Variants in SHF observed in about 807,000 individuals in gnomAD.
The protein encoded by SHF is Src homology 2 domain containing F.
Under a neutral mutation model 42.4 loss-of-function variants are expected in SHF, and 30 were observed. The observed-to-expected ratio is 0.71, with a 90% confidence interval of 0.53 to 0.96. The LOEUF (loss-of-function observed/expected upper bound fraction) is 0.96, where lower values mean the gene tolerates loss of function less well. SHF is among the 40% of genes least tolerant of loss of function. The probability of loss-of-function intolerance (pLI) is 0.00; values close to 1 mark genes in which losing one functional copy is unlikely to be tolerated. For missense variants in SHF, 598 were observed against 634.0 expected, an observed-to-expected ratio of 0.94 and a Z score of 0.61; for synonymous variants, 264 against 269.9, an observed-to-expected ratio of 0.98 and a Z score of 0.21.
At position 45,185,832 on chromosome 15, in the gene SHF, G is replaced by A. The variant is rs573109213; in HGVS notation, c.498+1622C>T. 2.0e-5 allele frequency among the ~76,000 whole-genome samples: 3 copies of A among 152,368 alleles called. No individual in the cohort carries two copies. The South Asian group carries it at 6.2e-4, about 32-fold the overall frequency. On this transcript the variant is annotated intron_variant, in intron 1 of 6. Coordinates refer to ENST00000690270, the MANE Select transcript of SHF (RefSeq NM_001394037.1). ...GAGTCTCCGACCCTCACGCCACCCT[G>A]ATAATGGACAGTCACCATTCAGGAC...
At chr15:45,180,372 C>T (rs1432335592) in intron 1 of SHF, among the ~76,000 whole-genome samples, 1 of 152,206 alleles carries the variant, frequency 6.6e-6, no homozygotes, top group Non-Finnish European at 1.5e-5. Flanking sequence ...TTGACCAAGG[C>T]GGCTCTGTGG....
At chr15:45,193,866 CAGG>C (rs951784036) in intron 2 of SHF, among the ~76,000 whole-genome samples, 1 of 150,586 alleles carries the variant, frequency 6.6e-6, no homozygotes, top group African/African-American at 2.4e-5. Flanking sequence ...GTCAAGAGGT[CAGG>C]AGTTCAAGAG....
intron 6 of SHF, among the ~76,000 whole-genome samples, chr15:45,169,273 G>A (rs188009790): frequency 1.4e-4 from 21 of 152,302 alleles, no homozygotes; most frequent in Admixed American, 7.2e-4. Flanking sequence ...GCCCACAAGC[G>A]AGAAATCAGA....
chr15:45,172,745 T>A (rs1042236492), intron 4 of SHF, among the ~76,000 whole-genome samples: 8 of 152,218 alleles, frequency 5.3e-5, no homozygotes, highest in African/African-American at 1.9e-4. Context: ...TAGAAATGAC[T>A]TATCGATCTG....
At chr15:45,197,249 TAAAA>T (rs144408027) in intron 2 of SHF, among the ~76,000 whole-genome samples, 49,067 of 122,682 alleles carry the variant, frequency 0.4, 10,808 homozygotes, top group Non-Finnish European at 0.53. Context: ...ACCTTGTCTC[TAAAA>T]AAAAAAAAAA....
intron 1 of SHF, among the ~76,000 whole-genome samples, chr15:45,185,906 A>G (rs908112718): frequency 2.0e-5 from 3 of 152,234 alleles, no homozygotes; most frequent in African/African-American, 7.2e-5. Context: ...GGCACTTGGG[A>G]GACACAAGAA....
intron 2 of SHF, 110 bp from the exon 3 acceptor site, chr15:45,175,535 C>G: frequency 1.7e-6 from 2 of 1,143,642 alleles, no homozygotes; most frequent in Non-Finnish European, 2.5e-6. Flanking sequence ...AGGAGATGCC[C>G]TGGCTCTGGG....
rs552378446 is a variant in SHF, at chr15:45,186,219, G to A, written c.498+1235C>T. Among the ~76,000 whole-genome samples the A allele has an allele frequency of 4.6e-5, 7 of 152,366 alleles. No homozygotes were observed. The South Asian group carries it at 1.4e-3, about 32-fold the overall frequency. On this transcript the variant is annotated intron_variant, in intron 1 of 6. Transcript: ENST00000690270. ...CTGCAGAATAAGTATCCTGGCCCAG[G>A]ATGGGCAGCCATGCCCCATGGCAAA...
upstream of SHF, among the ~76,000 whole-genome samples, chr15:45,192,038 A>G (rs963639922): frequency 2.0e-5 from 3 of 147,062 alleles, no homozygotes; most frequent in East Asian, 6.0e-4. Context: ...TTTTTCTTTC[A>G]TTTTCTTAAC....
intron 2 of SHF, among the ~76,000 whole-genome samples, chr15:45,194,989 C>T (rs1898823225): frequency 6.6e-6 from 1 of 151,918 alleles, no homozygotes; most frequent in Non-Finnish European, 1.5e-5. Context: ...ACCACCATGC[C>T]CAGCTAATAT....
intron 3 of SHF, 74 bp downstream of exon 3, chr15:45,175,145 A>C (rs1897731288): frequency 6.8e-7 from 1 of 1,479,254 alleles, no homozygotes; most frequent in Non-Finnish European, 9.1e-7. Context: ...CCTGGGGTCC[A>C]CTCCTTCCAT....
chr15:45,197,871 T>G (rs922582702), intron 2 of SHF, among the ~76,000 whole-genome samples: 2 of 151,346 alleles, frequency 1.3e-5, no homozygotes, highest in Non-Finnish European at 1.5e-5. Flanking sequence ...AGGGCATGTT[T>G]GCGTTTTATG....
chr15:45,173,840 G>T, intron 3 of SHF, 124 bp from the exon 4 acceptor site: 1 of 1,091,818 alleles, frequency 9.2e-7, no homozygotes, highest in Non-Finnish European at 1.4e-6. Flanking sequence ...AGGGGCAGAG[G>T]CAGAGGCAGA....
chr15:45,175,979 C>T (rs1008626977), intron 2 of SHF, among the ~76,000 whole-genome samples: 9 of 152,028 alleles, frequency 5.9e-5, no homozygotes, highest in Admixed American at 3.3e-4. Flanking sequence ...CCATCATGCC[C>T]GGCTAATTTT....
At chr15:45,176,239 C>T (rs1029403816) in intron 2 of SHF, among the ~76,000 whole-genome samples, 1 of 152,034 alleles carries the variant, frequency 6.6e-6, no homozygotes, top group African/African-American at 2.4e-5. Flanking sequence ...AGACCTTTCA[C>T]TTTGACATTC....
rs1486149744 is a variant in SHF at position 45,198,983 on chromosome 15, C to T, written c.92G>A (p.Arg31Gln). The change falls in exon 2 of 8, where the codon CGG (arginine) becomes CAG (glutamine). Residue 31 changes from arginine (R) to glutamine (Q), a missense_variant. Transcript: ENST00000290894. ...ACTCAGACTACCCTTGGGGGATGCC[C>T]GTTTCCTATGCCCCGGAGACCCTTG... 8 of 1,612,902 alleles carry T rather than the reference C, an allele frequency of 5.0e-6. No individual in the cohort carries two copies. In the Admixed American group the frequency reaches 8.4e-5, roughly 17 times the overall value.
chr15:45,198,540 T>C, intron 2 of SHF: 1 of 496,106 alleles, frequency 2.0e-6, no homozygotes. Context: ...AATTACGATT[T>C]ATATAAAATG....
At chr15:45,188,558 T>A (rs1898595173), upstream of SHF, among the ~76,000 whole-genome samples, 1 of 152,066 alleles carries the variant, frequency 6.6e-6, no homozygotes, top group Non-Finnish European at 1.5e-5. Context: ...GGCAAACACA[T>A]CTCACATCAC....
chr15:45,178,105 C>T lies in SHF; in HGVS notation c.640+60G>A, dbSNP rs8034022. On this transcript the variant is annotated intron_variant, in intron 2 of 6. Transcript: ENST00000690270. ...AATCAGTCCTTAGACTTGTGAGTCG[C>T]AAAGCCTGTTCTGCAGAGCCCAGGC... 1.0e-3 allele frequency: 1,583 copies of T among 1,559,682 alleles called. 19 individuals are homozygous for T. The African/African-American group carries it at 0.02, about 20-fold the overall frequency.
Sources: gnomAD v4.1 joint callset for allele counts (sites outside exome capture counted in the v4.1 genomes callset) on GRCh38, gnomAD v4.1.1 for gene constraint, MANE v1.5 for transcripts, NCBI Gene and HGNC (gene_info 2026-07-23, HGNC 2026-07-21) for gene names.